The following ABCC1 variants were observed in gnomAD, a reference collection of about 807,000 sequenced individuals.
The protein encoded by ABCC1 is ATP binding cassette subfamily C member 1 (ABCC1 blood group), also known as multidrug resistance-associated protein 1.
Under a neutral mutation model 172.9 loss-of-function variants are expected in ABCC1, and 83 were observed. That is an observed-to-expected ratio of 0.48 (90% CI 0.40 to 0.58). The LOEUF (loss-of-function observed/expected upper bound fraction) is 0.58, where lower values mean the gene tolerates loss of function less well. ABCC1 is among the 20% of genes least tolerant of loss of function. The pLI, the probability that ABCC1 is intolerant of heterozygous loss-of-function variation, is 0.00. For synonymous variants in ABCC1, 937 were observed against 825.2 expected (o/e 1.14, Z -2.32); for missense variants, 1,817 against 2,002.7 (o/e 0.91, Z 1.77).
intron 27 of ABCC1, 67 bp from the exon 28 acceptor site, chr16:16,134,283 C>T: frequency 1.3e-6 from 2 of 1,593,626 alleles, no homozygotes; most frequent in Non-Finnish European, 8.6e-7. Flanking sequence ...GAGATGAGGG[C>T]ACTTTGGGGC....
At chr16:15,982,814 A>AAAAAAAAAAAAAAG (rs2046654371) in intron 1 of ABCC1, among the ~76,000 whole-genome samples, 2 of 149,216 alleles carry the variant, frequency 1.3e-5, no homozygotes, top group Non-Finnish European at 3.0e-5. Context: ...AAAAAAAAAA[A>AAAAAAAAAAAAAAG]AAAAAAAAAA....
At chr16:16,038,999 G>T (rs529230513) in intron 7 of ABCC1, among the ~76,000 whole-genome samples, 2 of 152,256 alleles carry the variant, frequency 1.3e-5, no homozygotes, top group South Asian at 4.1e-4. Context: ...AGATGAAACT[G>T]ACTGCTGCTT....
intron 1 of ABCC1, among the ~76,000 whole-genome samples, chr16:16,002,892 A>G (rs1174448419): frequency 6.6e-6 from 1 of 152,150 alleles, no homozygotes; most frequent in Admixed American, 6.6e-5. Context: ...ATATATCTGG[A>G]AGAATGTAAG....
At chr16:16,062,877 A>G (rs1387493679) in intron 12 of ABCC1, among the ~76,000 whole-genome samples, 1 of 152,184 alleles carries the variant, frequency 6.6e-6, no homozygotes, top group Non-Finnish European at 1.5e-5. Flanking sequence ...TACCACGTCC[A>G]CCTAATGCAC....
At chr16:16,130,860 C>T (rs1251834650) in intron 26 of ABCC1, among the ~76,000 whole-genome samples, 7 of 152,186 alleles carry the variant, frequency 4.6e-5, no homozygotes, top group East Asian at 1.9e-4. Flanking sequence ...TGGTGGCTCA[C>T]GCCTGTAATC....
At chr16:16,028,418 AC>A (rs1321833613) in intron 5 of ABCC1, among the ~76,000 whole-genome samples, 1 of 151,940 alleles carries the variant, frequency 6.6e-6, no homozygotes, top group African/African-American at 2.4e-5. Context: ...CATATATTTG[AC>A]CAATAAATAA....
intron 5 of ABCC1, among the ~76,000 whole-genome samples, chr16:16,027,893 C>T (rs1399715077): frequency 6.6e-6 from 1 of 152,158 alleles, no homozygotes; most frequent in Non-Finnish European, 1.5e-5. Context: ...ATTACTACTA[C>T]TACTACTCAT....
chr16:16,079,687 TATC>T (rs1309787334), intron 16 of ABCC1, among the ~76,000 whole-genome samples: 1 of 152,184 alleles, frequency 6.6e-6, no homozygotes, highest in Non-Finnish European at 1.5e-5. Flanking sequence ...AGGATTTTGG[TATC>T]ATTTATTTCC....
intron 15 of ABCC1, 110 bp from the exon 16 acceptor site, chr16:16,079,242 T>A: frequency 6.7e-7 from 1 of 1,498,610 alleles, no homozygotes; most frequent in Non-Finnish European, 9.1e-7. Context: ...AGTCTTGCCT[T>A]CTGTCTTTCT....
chr16:16,113,422 A>C (rs2044709786), intron 22 of ABCC1, among the ~76,000 whole-genome samples: 1 of 152,196 alleles, frequency 6.6e-6, no homozygotes, highest in African/African-American at 2.4e-5. Context: ...TTGAGAGGCC[A>C]AGGCGGGTGG....
At chr16:16,014,458 C>T (rs2047914041) in intron 3 of ABCC1, 33 bp from the exon 4 acceptor site, 1 of 1,602,814 alleles carries the variant, frequency 6.2e-7, no homozygotes. Flanking sequence ...AAAAAAAAAC[C>T]CAACAACTCC....
intron 13 of ABCC1, 117 bp downstream of exon 13, chr16:16,068,419 G>C: frequency 8.3e-7 from 1 of 1,208,844 alleles, no homozygotes; most frequent in Admixed American, 2.1e-5. Context: ...GGCTCCATGA[G>C]GCCCGGACAA....
At chr16:16,057,772 G>T (rs1056594071) in intron 12 of ABCC1, among the ~76,000 whole-genome samples, 1 of 151,996 alleles carries the variant, frequency 6.6e-6, no homozygotes, top group African/African-American at 2.4e-5. Context: ...CTTCATTTTA[G>T]TTTTTTGGGG....
intron 6 of ABCC1, among the ~76,000 whole-genome samples, chr16:16,033,771 G>C (rs1433724747): frequency 6.6e-6 from 1 of 151,608 alleles, no homozygotes; most frequent in Non-Finnish European, 1.5e-5. Flanking sequence ...TTACAGGCTT[G>C]CGCCACCATG....
chr16:16,001,451 C>A (rs1456799925), intron 1 of ABCC1, among the ~76,000 whole-genome samples: 1 of 152,018 alleles, frequency 6.6e-6, no homozygotes, highest in African/African-American at 2.4e-5. Flanking sequence ...CCACCCACCT[C>A]GGCCTCCCAA....
At chr16:16,131,603 A>G (rs1290531713) in intron 26 of ABCC1, among the ~76,000 whole-genome samples, 186 bp from the exon 27 acceptor site, 1 of 152,122 alleles carries the variant, frequency 6.6e-6, no homozygotes, top group Non-Finnish European at 1.5e-5. Flanking sequence ...CTCTGTATCG[A>G]CCAGAGATCC....
At chr16:15,995,217 T>C (rs1291386274) in intron 1 of ABCC1, among the ~76,000 whole-genome samples, 2 of 152,086 alleles carry the variant, frequency 1.3e-5, no homozygotes, top group African/African-American at 4.8e-5. Flanking sequence ...ATCTGTAAAA[T>C]GGGTTACGTT....
At chr16:16,131,755 A>T in intron 26 of ABCC1, 34 bp from the exon 27 acceptor site, 1 of 1,605,862 alleles carries the variant, frequency 6.2e-7, no homozygotes, top group East Asian at 2.2e-5. Context: ...ATGGACTGGA[A>T]ATTCCTTACT....
At chr16:16,004,657 CTTTT>C (rs66530759) in intron 1 of ABCC1, among the ~76,000 whole-genome samples, 2 of 112,162 alleles carry the variant, frequency 1.8e-5, no homozygotes. Context: ...GTAAGGTTTA[CTTTT>C]TTTTTTTTTT....
Sources: allele counts gnomAD v4.1 joint callset (sites outside exome capture counted in the v4.1 genomes callset), GRCh38; gene constraint gnomAD v4.1.1; transcripts MANE v1.5; gene names NCBI Gene and HGNC (gene_info 2026-07-23, HGNC 2026-07-21).